SLC6A12: variants seen among roughly 807,000 people sequenced by gnomAD.
SLC6A12 encodes sodium- and chloride-dependent betaine transporter.
SLC6A12 carries 50 observed loss-of-function variants against 73.3 expected under a neutral mutation model. The observed-to-expected ratio is 0.68, with a 90% CI of 0.54 to 0.86. The LOEUF (loss-of-function observed/expected upper bound fraction) is 0.86, where lower values mean the gene tolerates loss of function less well. Among genes scored for constraint, SLC6A12 ranks in the 40% least tolerant of loss-of-function variants. The pLI, the probability that SLC6A12 is intolerant of heterozygous loss-of-function variation, is 0.00. For synonymous variants in SLC6A12, 304 were observed against 309.2 expected, an observed-to-expected ratio of 0.98 and a Z score of 0.18; for missense variants, 648 against 772.8, an observed-to-expected ratio of 0.84 and a Z score of 1.92.
downstream of SLC6A12, among the ~76,000 whole-genome samples, chr12:189,557 G>T (rs1433422268): frequency 6.6e-6 from 1 of 152,138 alleles, no homozygotes; most frequent in Non-Finnish European, 1.5e-5. Flanking sequence ...CCCCTGGGCG[G>T]GGGGTCCAGG....
At chr12:205,072 A>G (rs1390136084) in intron 3 of SLC6A12, 1 of 193,684 alleles carries the variant, frequency 5.2e-6, no homozygotes, top group Non-Finnish European at 1.1e-5. Context: ...AACTCTTGGT[A>G]CATTTTAGAG....
chr12:199,255 G>T (rs546740756), intron 7 of SLC6A12, among the ~76,000 whole-genome samples: 4 of 152,328 alleles, frequency 2.6e-5, no homozygotes, highest in African/African-American at 7.2e-5. Context: ...ATGTACGTAT[G>T]TGCATAATCT....
chr12:202,529 C>T (rs1187005908), intron 5 of SLC6A12, among the ~76,000 whole-genome samples: 1 of 152,212 alleles, frequency 6.6e-6, no homozygotes, highest in South Asian at 2.1e-4. Context: ...TTAATACAGT[C>T]CCTCTGGGTT....
At chr12:194,702 G>A (rs568035338) in intron 13 of SLC6A12, among the ~76,000 whole-genome samples, 21 of 152,346 alleles carry the variant, frequency 1.4e-4, no homozygotes, top group African/African-American at 4.8e-4. Flanking sequence ...GTCTGAGGGG[G>A]CCAGGCTGCT....
chr12:194,698 G>A (rs182351743), intron 13 of SLC6A12, among the ~76,000 whole-genome samples: 144 of 152,342 alleles, frequency 9.5e-4, no homozygotes, highest in Middle Eastern at 3.4e-3. Flanking sequence ...CTCAGTCTGA[G>A]GGGGCCAGGC....
Position 212,040 on chromosome 12 carries a change from G to C in SLC6A12, c.-72C>G, listed in dbSNP as rs148485516. Reference sequence around the variant, plus strand: ...AATACACTTACCAAGACAATGAGTCGTGGAGCTGGGTCTCTAACTTGCTGT... The same window carrying C: ...AATACACTTACCAAGACAATGAGTCCTGGAGCTGGGTCTCTAACTTGCTGT... On this transcript the variant is annotated 5_prime_UTR_variant, in exon 2 of 16. Transcript: ENST00000684302. The C allele has an allele frequency of 6.6e-6, 1 of 152,216 alleles. No homozygotes were observed. The highest frequency in any genetic ancestry group is 6.5e-5 in the Admixed American group (1 of 15,280). 9.4% of individuals were successfully genotyped at this position (152,216 alleles called of 1,614,324 possible).
At chr12:202,698 G>A in intron 5 of SLC6A12, 42 bp downstream of exon 5, 1 of 1,597,160 alleles carries the variant, frequency 6.3e-7, no homozygotes, top group Middle Eastern at 2.0e-4. Context: ...CCGCAGCCCA[G>A]CCCCTAACAG....
intron 5 of SLC6A12, 140 bp downstream of exon 5, chr12:202,600 C>T (rs1434827288): frequency 6.5e-6 from 5 of 771,704 alleles, no homozygotes; most frequent in South Asian, 4.3e-5. Context: ...AGCCAAGGAG[C>T]AGAGCTGCCC....
Position 201,855 on chromosome 12 carries a change from G to A in SLC6A12, c.491-6C>T. On this transcript the variant is annotated splice_polypyrimidine_tract_variant and splice_region_variant and intron_variant, in intron 5 of 15. Transcript: ENST00000684302. ...CAGAAAGTCCGTGCAATGCTCTGTTGGGGACAAGGTTAGGGACAAGATGGA... is the reference window on the plus strand; with the variant it reads ...CAGAAAGTCCGTGCAATGCTCTGTTAGGGACAAGGTTAGGGACAAGATGGA... 2 of 1,612,816 alleles carry A rather than the reference G, an allele frequency of 1.2e-6. No individual in the cohort carries two copies. The highest frequency in any genetic ancestry group is 1.7e-6 in the Non-Finnish European group (2 of 1,178,842).
chr12:186,190 A>AGGGTGACTCTCGCGCTCT (rs1173448194), downstream of SLC6A12, among the ~76,000 whole-genome samples: 1 of 152,078 alleles, frequency 6.6e-6, no homozygotes, highest in African/African-American at 2.4e-5. Flanking sequence ...ACTCTCAAAG[A>AGGGTGACTCTCGCGCTCT]GGGTGACTCT....
chr12:199,494 C>T (rs899645524), intron 7 of SLC6A12, among the ~76,000 whole-genome samples: 3 of 152,108 alleles, frequency 2.0e-5, no homozygotes, highest in South Asian at 4.2e-4. Flanking sequence ...GGGGGAGCAG[C>T]GGCGGCCGGA....
chr12:188,109 G>C (rs1477994568), downstream of SLC6A12, among the ~76,000 whole-genome samples: 2 of 152,212 alleles, frequency 1.3e-5, no homozygotes, highest in Admixed American at 1.3e-4. Flanking sequence ...GTCCGGTTCC[G>C]TGCGCCCGCA....
chr12:186,229 C>T (rs1397826106), downstream of SLC6A12, among the ~76,000 whole-genome samples: 1 of 152,174 alleles, frequency 6.6e-6, no homozygotes, highest in Non-Finnish European at 1.5e-5. Flanking sequence ...CACGACAGCA[C>T]CCACAGGCCA....
At chr12:208,274 C>T (rs1029813909) in intron 3 of SLC6A12, among the ~76,000 whole-genome samples, 1 of 152,194 alleles carries the variant, frequency 6.6e-6, no homozygotes, top group Non-Finnish European at 1.5e-5. Flanking sequence ...CTTTCTGGCC[C>T]AGGGTCAGCC....
At chr12:212,721 T>TA (rs1940952857) in intron 1 of SLC6A12, among the ~76,000 whole-genome samples, 1 of 152,150 alleles carries the variant, frequency 6.6e-6, no homozygotes, top group African/African-American at 2.4e-5. Flanking sequence ...CAGAGGATGT[T>TA]AGACACCAAA....
intron 14 of SLC6A12, 64 bp downstream of exon 14, chr12:193,213 T>C: frequency 8.4e-7 from 1 of 1,186,394 alleles, no homozygotes; most frequent in Admixed American, 1.7e-5. Context: ...CAGCCGTCCT[T>C]TCCCTCATCT....
At chr12:187,568 G>A (rs117577057), downstream of SLC6A12, among the ~76,000 whole-genome samples, 6,797 of 129,218 alleles carry the variant, frequency 0.053, 240 homozygotes, top group Non-Finnish European at 0.066. Flanking sequence ...GTGAGCAGCA[G>A]CAAGATTTAC....
In SLC6A12 at chr12:192,662, G is replaced by A; in HGVS notation, c.1531-14C>T. On this transcript the variant is annotated splice_polypyrimidine_tract_variant and intron_variant, in intron 14 of 15. Transcript: ENST00000684302. Reference sequence around the variant, plus strand: ...GAGGAAAGTGGCCTGGGAGAAGGAAGGGGCAGCCATGGGTAAGATAGGGGG... The same window carrying A: ...GAGGAAAGTGGCCTGGGAGAAGGAAAGGGCAGCCATGGGTAAGATAGGGGG... The A allele has an allele frequency of 6.2e-7, 1 of 1,613,916 alleles. No homozygotes were observed. Among genetic ancestry groups the A allele is most frequent in the Non-Finnish European group, 8.5e-7 (1 of 1,179,834 alleles).
downstream of SLC6A12, among the ~76,000 whole-genome samples, chr12:188,108 C>T (rs1397652789): frequency 6.6e-6 from 1 of 152,238 alleles, no homozygotes; most frequent in East Asian, 1.9e-4. Flanking sequence ...AGTCCGGTTC[C>T]GTGCGCCCGC....
Sources: allele counts gnomAD v4.1 joint callset (sites outside exome capture counted in the v4.1 genomes callset), GRCh38; gene constraint gnomAD v4.1.1; transcripts MANE v1.5; gene names NCBI Gene and HGNC (gene_info 2026-07-23, HGNC 2026-07-21).